The following CA10 variants were observed in gnomAD, a reference collection of about 807,000 sequenced individuals.
CA10 encodes carbonic anhydrase-related protein 10.
CA10 carries 14 observed loss-of-function variants against 44.2 expected under a neutral mutation model. The ratio of observed to expected loss-of-function variants is 0.32; its 90% CI spans 0.21 to 0.50. The LOEUF (loss-of-function observed/expected upper bound fraction) is 0.50, where lower values mean the gene tolerates loss of function less well. CA10 is among the 20% of genes least tolerant of loss of function. The probability of loss-of-function intolerance (pLI) is 0.99; values close to 1 mark genes in which losing one functional copy is unlikely to be tolerated. For synonymous variants in CA10, 159 were observed against 141.6 expected, an observed-to-expected ratio of 1.12 and a Z score of -0.87; for missense variants, 350 against 409.7, an observed-to-expected ratio of 0.85 and a Z score of 1.26.
chr17:51,936,973 G>C lies in CA10; in HGVS notation c.137-5841C>G, dbSNP rs1008099380. Among the ~76,000 whole-genome samples the C allele has an allele frequency of 2.6e-5, 4 of 152,044 alleles. No individual in the cohort carries two copies. The South Asian group carries it at 8.3e-4, about 32-fold the overall frequency. ...CTTCAAAATATGTGCCAATAAAATCGTGTTTTCCTAGGAACTAGTGCTTTA... is the reference window on the plus strand; with the variant it reads ...CTTCAAAATATGTGCCAATAAAATCCTGTTTTCCTAGGAACTAGTGCTTTA... On this transcript the variant is annotated intron_variant, in intron 2 of 8. Coordinates refer to ENST00000451037, the MANE Select transcript of CA10 (RefSeq NM_020178.5).
chr17:51,872,806 A>G (rs997026226), intron 3 of CA10, among the ~76,000 whole-genome samples: 50 of 152,190 alleles, frequency 3.3e-4, no homozygotes, highest in African/African-American at 1.2e-3. Context: ...TAGGACTCTT[A>G]TTTCCAGGGA....
rs577567420 is a variant in CA10 at position 52,148,848 on chromosome 17, C to T, written c.61+8878G>A. 1.6e-4 allele frequency among the ~76,000 whole-genome samples: 24 copies of T among 152,238 alleles called. No individual in the cohort carries two copies. In the East Asian group the frequency reaches 1.9e-3, roughly 12 times the overall value. On this transcript the variant is annotated intron_variant, in intron 1 of 8. Coordinates refer to ENST00000451037, the MANE Select transcript of CA10 (RefSeq NM_020178.5). The stretch of plus-strand genomic sequence containing the variant: ...TTTTTTTACTACATTTTATCTTATG[C>T]CTGGCCCAGTGCCCACCTCATAGGA...
At chr17:51,673,657 A>T (rs2143359626) in intron 4 of CA10, among the ~76,000 whole-genome samples, 1 of 152,282 alleles carries the variant, frequency 6.6e-6, no homozygotes, top group South Asian at 2.1e-4. Context: ...TTATTATTGC[A>T]TCACTTCCTA....
At chr17:51,720,695 T>C (rs1916324615) in intron 4 of CA10, among the ~76,000 whole-genome samples, 1 of 152,142 alleles carries the variant, frequency 6.6e-6, no homozygotes, top group African/African-American at 2.4e-5. Flanking sequence ...ATCTCACCTA[T>C]ATGTACAATC....
At chr17:51,980,849 G>A (rs113917279) in intron 2 of CA10, among the ~76,000 whole-genome samples, 2 of 151,924 alleles carry the variant, frequency 1.3e-5, no homozygotes, top group African/African-American at 2.4e-5. Flanking sequence ...ATCATTTCTC[G>A]ACTTTCTCTT....
chr17:51,691,414 T>G (rs904894151), intron 4 of CA10, among the ~76,000 whole-genome samples: 1 of 152,214 alleles, frequency 6.6e-6, no homozygotes, highest in Non-Finnish European at 1.5e-5. Context: ...CATTTTTAAA[T>G]CAGGTGTTTT....
At chr17:51,914,134 T>G (rs1598114865) in intron 3 of CA10, among the ~76,000 whole-genome samples, 2 of 152,260 alleles carry the variant, frequency 1.3e-5, no homozygotes, top group East Asian at 3.9e-4. Flanking sequence ...AACTTGGAAA[T>G]GTGCCTATTA....
chr17:51,906,315 A>G (rs1309204454), intron 3 of CA10, among the ~76,000 whole-genome samples: 1 of 152,048 alleles, frequency 6.6e-6, no homozygotes. Flanking sequence ...GCTCCCATCA[A>G]TGATTTCTGT....
At chr17:51,855,045 C>T (rs1978978633) in intron 3 of CA10, among the ~76,000 whole-genome samples, 1 of 152,102 alleles carries the variant, frequency 6.6e-6, no homozygotes, top group Non-Finnish European at 1.5e-5. Context: ...GAGTGCAAAA[C>T]CTGATAGGAA....
At chr17:52,135,590 T>C (rs1238954319) in intron 1 of CA10, among the ~76,000 whole-genome samples, 2 of 152,178 alleles carry the variant, frequency 1.3e-5, no homozygotes, top group Non-Finnish European at 2.9e-5. Context: ...CTATTCCCTT[T>C]ACCTCTCCCT....
At chr17:52,093,501 A>G (rs981528147) in intron 1 of CA10, among the ~76,000 whole-genome samples, 22 of 152,100 alleles carry the variant, frequency 1.4e-4, no homozygotes, top group African/African-American at 4.6e-4. Context: ...AATGTTTATG[A>G]CAATGTTCAC....
At chr17:51,666,954 C>G (rs1389083396) in intron 4 of CA10, among the ~76,000 whole-genome samples, 1 of 152,078 alleles carries the variant, frequency 6.6e-6, no homozygotes, top group Non-Finnish European at 1.5e-5. Flanking sequence ...ACATTTCATC[C>G]AATTATTGGA....
intron 2 of CA10, 96 bp downstream of exon 2, chr17:52,072,223 C>A: frequency 2.4e-6 from 2 of 819,000 alleles, no homozygotes; most frequent in South Asian, 1.7e-5. Context: ...ATAAATTAGA[C>A]TGCCTCACCT....
At chr17:52,062,065 C>CTTTTTTT (rs56369087) in intron 2 of CA10, among the ~76,000 whole-genome samples, 3 of 115,836 alleles carry the variant, frequency 2.6e-5, no homozygotes, top group Admixed American at 1.0e-4. Context: ...GGTGTGGCCA[C>CTTTTTTT]TTTTTTTTTT....
intron 3 of CA10, among the ~76,000 whole-genome samples, chr17:51,849,086 T>C: frequency 6.7e-6 from 1 of 148,884 alleles, no homozygotes; most frequent in Middle Eastern, 3.6e-3. Context: ...TATGTATATA[T>C]GTGTATATTT....
intron 3 of CA10, among the ~76,000 whole-genome samples, chr17:51,824,611 T>C (rs1193710850): frequency 6.6e-6 from 1 of 152,200 alleles, no homozygotes; most frequent in African/African-American, 2.4e-5. Flanking sequence ...GACTTCAATA[T>C]GGCTCAGACC....
At chr17:52,157,528 C>CA (rs1989830180) in intron 1 of CA10, among the ~76,000 whole-genome samples, 198 bp downstream of exon 1, 1 of 135,698 alleles carries the variant, frequency 7.4e-6, no homozygotes, top group African/African-American at 2.9e-5. Flanking sequence ...AGATCCTAAC[C>CA]ACCCCCCCCC....
intron 3 of CA10, among the ~76,000 whole-genome samples, chr17:51,926,962 T>C (rs1982457252): frequency 6.6e-6 from 1 of 152,196 alleles, no homozygotes; most frequent in African/African-American, 2.4e-5. Flanking sequence ...AACATACGTA[T>C]TTTTCAGATT....
intron 3 of CA10, among the ~76,000 whole-genome samples, chr17:51,827,571 C>T (rs886925297): frequency 6.6e-6 from 1 of 152,212 alleles, no homozygotes; most frequent in African/African-American, 2.4e-5. Flanking sequence ...AACTCTTACA[C>T]CTTTTACTAG....
Sources: gnomAD v4.1 joint callset for allele counts (sites outside exome capture counted in the v4.1 genomes callset) on GRCh38, gnomAD v4.1.1 for gene constraint, MANE v1.5 for transcripts, NCBI Gene and HGNC (gene_info 2026-07-23, HGNC 2026-07-21) for gene names.